Variants in ELAVL2 observed in about 807,000 individuals in gnomAD.
ELAVL2 encodes ELAV like RNA binding protein 2, also known as ELAV-like protein 2.
In ELAVL2, 4 loss-of-function variants were observed where a neutral mutation model predicts 34.6. The observed-to-expected ratio is 0.12, with a 90% CI of 0.06 to 0.26. The LOEUF is 0.26. ELAVL2 is among the 10% of genes least tolerant of loss of function. ELAVL2 has a pLI of 1.00. For synonymous variants in ELAVL2, 193 were observed against 154.8 expected (o/e 1.25, Z -1.83); for missense variants, 432 against 442.8 (o/e 0.98, Z 0.22).
At chr9:23,733,059 CA>C (rs1306653409) in intron 2 of ELAVL2, among the ~76,000 whole-genome samples, 1 of 151,122 alleles carries the variant, frequency 6.6e-6, no homozygotes, top group South Asian at 2.1e-4. Flanking sequence ...TCAATTGTAT[CA>C]GCATAGTCTA....
intron 3 of ELAVL2, among the ~76,000 whole-genome samples, chr9:23,710,484 T>C (rs2040627882): frequency 6.6e-6 from 1 of 152,198 alleles, no homozygotes; most frequent in Non-Finnish European, 1.5e-5. Context: ...ATTAAAGTGA[T>C]AAGGTCTATA....
chr9:23,815,025 C>A (rs980838596), intron 1 of ELAVL2, among the ~76,000 whole-genome samples: 2 of 152,050 alleles, frequency 1.3e-5, no homozygotes, highest in Non-Finnish European at 2.9e-5. Flanking sequence ...CTTGACAGGG[C>A]ATCCATCAAT....
intron 1 of ELAVL2, among the ~76,000 whole-genome samples, chr9:23,820,899 C>G (rs1307263513): frequency 6.6e-6 from 1 of 152,228 alleles, no homozygotes; most frequent in African/African-American, 2.4e-5. Flanking sequence ...GATGTGACCG[C>G]GAGCTGCGAC....
chr9:23,787,258 C>A (rs1466245883), intron 1 of ELAVL2, among the ~76,000 whole-genome samples: 2 of 151,638 alleles, frequency 1.3e-5, no homozygotes, highest in African/African-American at 4.8e-5. Context: ...GTCATTTCAT[C>A]CCCATTTTTT....
At chr9:23,712,496 A>AAT in intron 3 of ELAVL2, among the ~76,000 whole-genome samples, 2 of 152,300 alleles carry the variant, frequency 1.3e-5, no homozygotes, top group Admixed American at 1.3e-4. Context: ...TTCTACTAGT[A>AAT]ATGCCTGAGA....
chr9:23,808,762 TGAGA>T (rs950758348), intron 1 of ELAVL2, among the ~76,000 whole-genome samples: 8 of 152,070 alleles, frequency 5.3e-5, no homozygotes, highest in East Asian at 1.9e-4. Context: ...TCACAGGGAA[TGAGA>T]GAGAGAAAGA....
intron 1 of ELAVL2, among the ~76,000 whole-genome samples, chr9:23,808,862 CAA>C (rs1392316887): frequency 6.6e-6 from 1 of 152,088 alleles, no homozygotes; most frequent in Non-Finnish European, 1.5e-5. Context: ...CAAAACTTAA[CAA>C]AGTCCCTGGA....
At chr9:23,831,182 T>C (rs2065489733), upstream of ELAVL2, among the ~76,000 whole-genome samples, 1 of 152,326 alleles carries the variant, frequency 6.6e-6, no homozygotes, top group East Asian at 1.9e-4. Context: ...ATATTGAAGA[T>C]TTATGTTTCC....
chr9:23,724,590 A>G lies in ELAVL2; in HGVS notation c.333+6432T>C, dbSNP rs144149044. Reference sequence around the variant, plus strand: ...AAAACACATGAAGGGCATTATACAAATAACAATAAAAAAGTCATCTGTGAC... The same window carrying G: ...AAAACACATGAAGGGCATTATACAAGTAACAATAAAAAAGTCATCTGTGAC... On this transcript the variant is annotated intron_variant, in intron 3 of 6. Coordinates refer to ENST00000397312, the MANE Select transcript of ELAVL2 (RefSeq NM_004432.5). Among the ~76,000 whole-genome samples the G allele has an allele frequency of 8.3e-4, 126 of 152,346 alleles. 1 individual carries two copies. In the East Asian group the frequency reaches 0.017, roughly 20 times the overall value.
At chr9:23,712,091 G>C (rs1475474843) in intron 3 of ELAVL2, among the ~76,000 whole-genome samples, 1 of 152,104 alleles carries the variant, frequency 6.6e-6, no homozygotes, top group East Asian at 1.9e-4. Flanking sequence ...TGTGGGGCGG[G>C]GGGAGTCTTA....
intron 5 of ELAVL2, 101 bp from the exon 6 acceptor site, chr9:23,693,587 C>A: frequency 1.5e-6 from 2 of 1,366,704 alleles, no homozygotes. Flanking sequence ...GATATCTGTA[C>A]ACTGATTATA....
chr9:23,813,842 C>T (rs702223), intron 1 of ELAVL2, among the ~76,000 whole-genome samples: 7 of 151,988 alleles, frequency 4.6e-5, no homozygotes, highest in South Asian at 4.1e-4. Context: ...AGAGATCAAA[C>T]GAATATAAAA....
intron 1 of ELAVL2, among the ~76,000 whole-genome samples, chr9:23,795,425 C>T (rs950618057): frequency 2.6e-5 from 4 of 152,098 alleles, no homozygotes; most frequent in African/African-American, 9.7e-5. Context: ...TGGCTGTAGT[C>T]CCAGCTACTC....
At chr9:23,699,790 T>C (rs886159173) in intron 5 of ELAVL2, among the ~76,000 whole-genome samples, 17 of 139,078 alleles carry the variant, frequency 1.2e-4, no homozygotes, top group African/African-American at 2.4e-4. Context: ...ACCACTACCA[T>C]GGGAAGTCAA....
At chr9:23,786,673 A>C (rs946443330) in intron 1 of ELAVL2, among the ~76,000 whole-genome samples, 56 of 152,112 alleles carry the variant, frequency 3.7e-4, no homozygotes, top group African/African-American at 1.3e-3. Flanking sequence ...TTAAACTTCA[A>C]GGTACAGATA....
At chr9:23,755,205 AAC>A (rs2053246047) in intron 2 of ELAVL2, among the ~76,000 whole-genome samples, 1 of 152,184 alleles carries the variant, frequency 6.6e-6, no homozygotes. Context: ...CCAGGTACTA[AAC>A]AAAAGAGGAC....
intron 1 of ELAVL2, among the ~76,000 whole-genome samples, chr9:23,808,106 C>T (rs1012356587): frequency 1.3e-5 from 2 of 152,056 alleles, no homozygotes; most frequent in Admixed American, 1.3e-4. Flanking sequence ...AATTTTAGGA[C>T]CTCTGTCTAT....
chr9:23,757,990 G>A (rs1024530173), intron 2 of ELAVL2, among the ~76,000 whole-genome samples: 1 of 152,048 alleles, frequency 6.6e-6, no homozygotes, highest in African/African-American at 2.4e-5. Context: ...AAAGATTTAA[G>A]AAAAGGGAAA....
At chr9:23,752,698 G>A (rs1477356782) in intron 2 of ELAVL2, among the ~76,000 whole-genome samples, 1 of 152,016 alleles carries the variant, frequency 6.6e-6, no homozygotes, top group African/African-American at 2.4e-5. Context: ...CAGATGATCT[G>A]CCCACCTTGG....
Sources: allele counts gnomAD v4.1 joint callset (sites outside exome capture counted in the v4.1 genomes callset), GRCh38; gene constraint gnomAD v4.1.1; transcripts MANE v1.5; gene names NCBI Gene and HGNC (gene_info 2026-07-23, HGNC 2026-07-21).